The following XRCC6 variants were observed in gnomAD, a reference collection of about 807,000 sequenced individuals.
XRCC6 encodes the protein X-ray repair cross complementing 6.
XRCC6 carries 5 observed loss-of-function variants against 65.7 expected under a neutral mutation model. The observed-to-expected ratio is 0.08, with a 90% CI of 0.04 to 0.16. The LOEUF is 0.16. Among genes scored for constraint, XRCC6 ranks in the 10% least tolerant of loss-of-function variants. The pLI is 1.00. For synonymous variants in XRCC6, 270 were observed against 270.6 expected (o/e 1.00, Z 0.02); for missense variants, 447 against 738.1 (o/e 0.61, Z 4.57).
At chr22:41,650,926 C>G in intron 8 of XRCC6, 35 bp downstream of exon 8, 2 of 1,611,704 alleles carry the variant, frequency 1.2e-6, no homozygotes, top group South Asian at 2.2e-5. Context: ...GTGACTCTAA[C>G]ACACAGTGCA....
At chr22:41,648,032 C>CG (rs2067953220) in intron 7 of XRCC6, 1 of 50,666 alleles carries the variant, frequency 2.0e-5, no homozygotes, top group African/African-American at 1.2e-4. Flanking sequence ...CTCCCCTCCC[C>CG]TCCCCTCCCC....
At chr22:41,651,361 A>T (rs1356507481) in intron 8 of XRCC6, among the ~76,000 whole-genome samples, 4 of 49,676 alleles carry the variant, frequency 8.1e-5, no homozygotes, top group African/African-American at 2.5e-4. Flanking sequence ...AGTTAAACAG[A>T]TTTTTTTTTT....
At chr22:41,652,475 C>T (rs28384762) in intron 8 of XRCC6, among the ~76,000 whole-genome samples, 1,911 of 151,854 alleles carry the variant, frequency 0.013, 34 homozygotes, top group African/African-American at 0.043. Flanking sequence ...AGGTGATTTC[C>T]CACCTCACCC....
chr22:41,636,464 C>T (rs2067810767), intron 4 of XRCC6, 52 bp from the exon 5 acceptor site: 2 of 1,596,176 alleles, frequency 1.3e-6, no homozygotes, highest in Non-Finnish European at 1.7e-6. Context: ...TAAAGGCAGC[C>T]ACTGACATTC....
chr22:41,636,307 G>T, intron 4 of XRCC6, 56 bp downstream of exon 4: 1 of 1,536,072 alleles, frequency 6.5e-7, no homozygotes, highest in South Asian at 1.3e-5. Context: ...TCAGTACTCT[G>T]ATCAAAGAGG....
intron 1 of XRCC6, 157 bp downstream of exon 1, chr22:41,621,502 G>A (rs11702892): frequency 0.013 from 2,177 of 166,776 alleles, 22 homozygotes; most frequent in South Asian, 0.032. Flanking sequence ...TCGAGACCAC[G>A]CTCCTTCCTC....
At chr22:41,635,707 T>C (rs202208458) in intron 3 of XRCC6, among the ~76,000 whole-genome samples, 2 of 72,236 alleles carry the variant, frequency 2.8e-5, no homozygotes, top group Admixed American at 1.0e-4. Context: ...CTAATTTTTT[T>C]GTTTTTTTTT....
intron 7 of XRCC6, among the ~76,000 whole-genome samples, chr22:41,649,852 A>G (rs1231004991): frequency 6.7e-6 from 1 of 149,478 alleles, no homozygotes; most frequent in African/African-American, 2.5e-5. Flanking sequence ...AAAAAAAATA[A>G]TAATAAATAA....
At chr22:41,628,365 C>T (rs906625420) in intron 3 of XRCC6, 135 bp downstream of exon 3, 2 of 621,052 alleles carry the variant, frequency 3.2e-6, no homozygotes, top group East Asian at 3.0e-5. Flanking sequence ...TTGAGACCAA[C>T]CTGGTAACAT....
chr22:41,661,056 A>C (rs2068094664), intron 11 of XRCC6, among the ~76,000 whole-genome samples: 1 of 152,124 alleles, frequency 6.6e-6, no homozygotes, highest in Non-Finnish European at 1.5e-5. Flanking sequence ...AAAAAAAAAA[A>C]ACTGGGGACA....
chr22:41,637,491 G>A lies in XRCC6; in HGVS notation c.590-117G>A, dbSNP rs556043540. ...GTCACTTTTTCTAAGTCCTGAAAATGTTAATAGTCTAGTTTTCAGGGAGCT... is the reference window on the plus strand; with the variant it reads ...GTCACTTTTTCTAAGTCCTGAAAATATTAATAGTCTAGTTTTCAGGGAGCT... On this transcript the variant is annotated intron_variant, in intron 5 of 12. Transcript: ENST00000360079. The A allele has an allele frequency of 2.8e-5, 26 of 931,920 alleles. No individual in the cohort carries two copies. In the South Asian group the frequency reaches 4.9e-4, roughly 17 times the overall value. The allele number at this position is 931,920 out of a possible 1,614,324, so 57.7% of individuals were successfully genotyped here.
chr22:41,651,361 ATTTTTTTTTTTTTTTTTTTTTTTTTT>A (rs764795746), intron 8 of XRCC6, among the ~76,000 whole-genome samples: 32 of 49,756 alleles, frequency 6.4e-4, no homozygotes, highest in Admixed American at 2.3e-3. Flanking sequence ...AGTTAAACAG[ATTTTTTTTTTTTTTTTTTTTTTTTTT>A]TTTTTTTTTT....
At chr22:41,643,068 T>C (rs2067894831) in intron 6 of XRCC6, among the ~76,000 whole-genome samples, 2 of 152,242 alleles carry the variant, frequency 1.3e-5, no homozygotes, top group Admixed American at 1.3e-4. Flanking sequence ...CTGCTAGGTG[T>C]TCCACAACAG....
chr22:41,629,114 CTA>C (rs2067712352), intron 3 of XRCC6, among the ~76,000 whole-genome samples: 1 of 151,444 alleles, frequency 6.6e-6, no homozygotes, highest in Admixed American at 6.6e-5. Context: ...TATAAACAAA[CTA>C]AAATTTAAAA....
chr22:41,663,485 C>T, intron 12 of XRCC6, 137 bp from the exon 13 acceptor site: 1 of 928,532 alleles, frequency 1.1e-6, no homozygotes, highest in Non-Finnish European at 1.7e-6. Flanking sequence ...ATAAGTCTTC[C>T]CCATGGTGTC....
At chr22:41,653,449 G>A in intron 8 of XRCC6, 80 bp from the exon 9 acceptor site, 2 of 1,347,554 alleles carry the variant, frequency 1.5e-6, no homozygotes, top group South Asian at 1.5e-5. Flanking sequence ...AAAGAAAATG[G>A]AAGAGAAACT....
chr22:41,640,778 G>A (rs2067867244), intron 6 of XRCC6, among the ~76,000 whole-genome samples: 1 of 152,162 alleles, frequency 6.6e-6, no homozygotes, highest in Non-Finnish European at 1.5e-5. Flanking sequence ...ATGATGCGAT[G>A]TTGTTTATAC....
chr22:41,638,192 G>C (rs2067830373), intron 6 of XRCC6, among the ~76,000 whole-genome samples: 1 of 152,104 alleles, frequency 6.6e-6, no homozygotes, highest in Non-Finnish European at 1.5e-5. Flanking sequence ...CATTTCGTGG[G>C]GGTAGACAGT....
At position 41,663,663 on chromosome 22, in the gene XRCC6, T is replaced by G; in HGVS notation, c.1678T>G (p.Ser560Ala). The change falls in exon 13 of 13, where the codon TCA becomes GCA. Residue 560 changes from serine (S) to alanine (A), a missense_variant. Around this residue, in one of 4 missense-constraint regions of XRCC6, gnomAD observed 201 missense variants for 374.1 expected, o/e 0.54. Transcript: ENST00000360079. ...SGSKRPKVEYSEEELKTHISK... is the reference protein window; with the variant it reads ...SGSKRPKVEYAEEELKTHISK... ...AAGCAAAAGGCCCAAGGTGGAGTAT[T>G]CAGAAGAGGAGCTGAAGACCCACAT... 1 of 1,613,884 alleles carries G rather than the reference T, an allele frequency of 6.2e-7. No individual in the cohort carries two copies. Among genetic ancestry groups the G allele is most frequent in the East Asian group, 2.2e-5 (1 of 44,882 alleles).
Sources: gnomAD v4.1 joint callset for allele counts (sites outside exome capture counted in the v4.1 genomes callset) on GRCh38, gnomAD v4.1.1 for gene constraint, gnomAD v4.1.1 regional missense constraint, MANE v1.5 for transcripts, NCBI Gene and HGNC (gene_info 2026-07-23, HGNC 2026-07-21) for gene names.